FAM20C: variants seen among roughly 807,000 people sequenced by gnomAD.
The protein encoded by FAM20C is extracellular serine/threonine protein kinase FAM20C.
In FAM20C, 40 loss-of-function variants were observed where a neutral mutation model predicts 51.5. The observed-to-expected ratio is 0.78, with a 90% confidence interval of 0.60 to 1.01. The LOEUF (loss-of-function observed/expected upper bound fraction) is 1.01. Ranked by LOEUF, FAM20C falls within the 50% of genes least tolerant of loss-of-function variation. FAM20C has a pLI of 0.00. For synonymous variants in FAM20C, 406 were observed against 380.6 expected, an observed-to-expected ratio of 1.07 and a Z score of -0.78; for missense variants, 861 against 844.7, an observed-to-expected ratio of 1.02 and a Z score of -0.24.
chr7:243,166 TGCCACCCGGGAGACCTGTGC>T (rs1301665341), intron 3 of FAM20C, among the ~76,000 whole-genome samples: 27 of 16,256 alleles, frequency 1.7e-3, no homozygotes, highest in Non-Finnish European at 2.1e-3. Context: ...AAGAGACCTG[TGCCACCCGGGAGACCTGTGC>T]CACCCAAGAG....
chr7:220,392 T>G (rs1787203393), intron 3 of FAM20C, among the ~76,000 whole-genome samples: 1 of 151,216 alleles, frequency 6.6e-6, no homozygotes, highest in Non-Finnish European at 1.5e-5. Flanking sequence ...CCACCTCAAG[T>G]GGAGCTTAAA....
At chr7:208,273 C>T (rs1786532879) in intron 2 of FAM20C, among the ~76,000 whole-genome samples, 1 of 151,646 alleles carries the variant, frequency 6.6e-6, no homozygotes, top group South Asian at 2.1e-4. Flanking sequence ...GAGGTGTTGC[C>T]TGCAGGTAAG....
At chr7:224,410 T>G (rs182164044) in intron 3 of FAM20C, among the ~76,000 whole-genome samples, 15 of 14,802 alleles carry the variant, frequency 1.0e-3, no homozygotes, top group African/African-American at 1.9e-3. Flanking sequence ...CTTCTCTCAC[T>G]GAGCAGAACG....
At chr7:248,796 T>C (rs1305495505) in intron 5 of FAM20C, among the ~76,000 whole-genome samples, 1 of 144,454 alleles carries the variant, frequency 6.9e-6, no homozygotes, top group East Asian at 2.1e-4. Flanking sequence ...TCTCGCCAGG[T>C]AGCCTGGCAC....
intron 3 of FAM20C, among the ~76,000 whole-genome samples, chr7:232,546 C>T (rs1007055322): frequency 0.13 from 19,080 of 152,276 alleles, 2,472 homozygotes; most frequent in African/African-American, 0.33. Context: ...AGAGCCACAT[C>T]CCTGTTGGCT....
rs961993783 is a variant in FAM20C at position 193,920 on chromosome 7, T to A, written c.605+116T>A. 8.6e-5 allele frequency: 119 copies of A among 1,385,716 alleles called. No individual in the cohort carries two copies. In the East Asian group the frequency reaches 3.3e-3, roughly 38 times the overall value. The allele number at this position is 1,385,716 out of a possible 1,614,324, so 85.8% of individuals were successfully genotyped here. A position where few individuals can be genotyped will look rare whatever the true frequency, so the allele number is the denominator to read the frequency against. ...CCCATGGAAGAGGCCGGGCAGGGAG[T>A]GTGGTGCGGGAGGAGGCAGCCGCCT... On this transcript the variant is annotated intron_variant, in intron 1 of 9. Coordinates refer to ENST00000313766, the MANE Select transcript of FAM20C (RefSeq NM_020223.4).
chr7:260,019 G>A lies in FAM20C; in HGVS notation c.*39G>A. The A allele has an allele frequency of 6.8e-7, 1 of 1,467,798 alleles. No homozygotes were observed. Among genetic ancestry groups the A allele is most frequent in the Non-Finnish European group, 9.0e-7 (1 of 1,107,148 alleles). 90.9% of individuals were successfully genotyped at this position (1,467,798 alleles called of 1,614,324 possible). A position where few individuals can be genotyped will look rare whatever the true frequency, so the allele number is the denominator to read the frequency against. On this transcript the variant is annotated 3_prime_UTR_variant, in exon 10 of 10. Transcript: ENST00000313766. ...CTGCGCTGCCCGGGACGGAGACAGAGGCGCCGGACCTCCCAGCAAGCGCAT... is the reference window on the plus strand; with the variant it reads ...CTGCGCTGCCCGGGACGGAGACAGAAGCGCCGGACCTCCCAGCAAGCGCAT...
chr7:248,188 A>G, intron 4 of FAM20C, 127 bp from the exon 5 acceptor site: 1 of 637,500 alleles, frequency 1.6e-6, no homozygotes, highest in South Asian at 2.1e-5. Flanking sequence ...GGAGGCAGGG[A>G]CACAGAGGCC....
At chr7:219,134 C>T (rs879727417) in intron 3 of FAM20C, among the ~76,000 whole-genome samples, 11 of 152,226 alleles carry the variant, frequency 7.2e-5, no homozygotes, top group Admixed American at 2.6e-4. Context: ...TTGCCTTCTG[C>T]GGTTCTTGTC....
intron 2 of FAM20C, among the ~76,000 whole-genome samples, chr7:203,299 G>T (rs1786213920): frequency 6.6e-6 from 1 of 152,250 alleles, no homozygotes; most frequent in Non-Finnish European, 1.5e-5. Context: ...CACACGCCTG[G>T]GCTTCTCCCA....
intron 2 of FAM20C, among the ~76,000 whole-genome samples, chr7:207,488 C>T (rs376360816): frequency 2.6e-5 from 4 of 152,230 alleles, no homozygotes; most frequent in African/African-American, 4.8e-5. Context: ...CCCCTCGCTC[C>T]GAGAGCAGCT....
At chr7:210,163 G>A (rs924903845) in intron 3 of FAM20C, among the ~76,000 whole-genome samples, 5 of 152,236 alleles carry the variant, frequency 3.3e-5, no homozygotes, top group African/African-American at 1.2e-4. Flanking sequence ...CTGCTACCAG[G>A]GGTGGGATGA....
intron 5 of FAM20C, among the ~76,000 whole-genome samples, chr7:255,164 C>CAGACCGTTTCCGCCGTGGCTGT (rs992709243): frequency 2.6e-5 from 4 of 152,332 alleles, no homozygotes; most frequent in Admixed American, 2.6e-4. Context: ...TTGGGGGCTG[C>CAGACCGTTTCCGCCGTGGCTGT]AGACCGTTTC....
intron 8 of FAM20C, 66 bp from the exon 9 acceptor site, chr7:258,580 C>A (rs1788742392): frequency 6.6e-6 from 10 of 1,504,972 alleles, no homozygotes; most frequent in Non-Finnish European, 8.9e-6. Flanking sequence ...GGCCCAGCTC[C>A]CAGCCCAGCA....
chr7:205,396 C>CG (rs1368146876), intron 2 of FAM20C, among the ~76,000 whole-genome samples: 3 of 150,460 alleles, frequency 2.0e-5, no homozygotes, highest in African/African-American at 7.3e-5. Flanking sequence ...CACACCACCA[C>CG]ACCAGTTAAT....
chr7:253,342 AG>A (rs1330563883), intron 5 of FAM20C, among the ~76,000 whole-genome samples: 3 of 152,152 alleles, frequency 2.0e-5, no homozygotes, highest in African/African-American at 7.2e-5. Context: ...CTTGAGCCGC[AG>A]GGTGAAGGAG....
chr7:258,379 G>A lies in FAM20C; in HGVS notation c.1446-267G>A, dbSNP rs1226759806. 6.2e-5 allele frequency among the ~76,000 whole-genome samples: 7 copies of A among 113,204 alleles called. 3 individuals are homozygous for A. Among genetic ancestry groups the A allele is most frequent in the Non-Finnish European group, 1.3e-4 (6 of 47,908 alleles). The allele number at this position is 113,204 out of a possible 152,430, so 74.3% of individuals were successfully genotyped here. A position where few individuals can be genotyped will look rare whatever the true frequency, so the allele number is the denominator to read the frequency against. ...CTGCCTGAGGTGCTGGAGATGGGCA[G>A]GGTGGACCCACTGCCCGGGATGCTG... On this transcript the variant is annotated intron_variant, in intron 8 of 9. Coordinates refer to ENST00000313766, the MANE Select transcript of FAM20C (RefSeq NM_020223.4).
intron 3 of FAM20C, among the ~76,000 whole-genome samples, chr7:235,857 G>A (rs983310962): frequency 6.6e-6 from 1 of 152,230 alleles, no homozygotes; most frequent in African/African-American, 2.4e-5. Context: ...CTCCCAGCAT[G>A]CTTTGGACTG....
At chr7:254,883 G>A (rs528979059) in intron 5 of FAM20C, among the ~76,000 whole-genome samples, 1 of 152,274 alleles carries the variant, frequency 6.6e-6, no homozygotes, top group East Asian at 1.9e-4. Context: ...CCTCCTTCGC[G>A]GAGCACAGGG....
Sources: allele counts gnomAD v4.1 joint callset (sites outside exome capture counted in the v4.1 genomes callset), GRCh38; gene constraint gnomAD v4.1.1; transcripts MANE v1.5; gene names NCBI Gene and HGNC (gene_info 2026-07-23, HGNC 2026-07-21).